The following GRIA4 variants were observed in gnomAD, a reference collection of about 807,000 sequenced individuals.
GRIA4 encodes glutamate ionotropic receptor AMPA type subunit 4, also known as glutamate receptor 4.
A neutral mutation model predicts 104.0 loss-of-function variants in GRIA4; 34 were observed. That is an observed-to-expected ratio of 0.33 (90% CI 0.25 to 0.44). The LOEUF (loss-of-function observed/expected upper bound fraction) is 0.44, where lower values mean the gene tolerates loss of function less well. Among genes scored for constraint, GRIA4 ranks in the 20% least tolerant of loss-of-function variants. GRIA4 has a pLI of 1.00. For missense variants in GRIA4, 750 were observed against 1,096.5 expected, an observed-to-expected ratio of 0.68 and a Z score of 4.46; for synonymous variants, 386 against 381.9, an observed-to-expected ratio of 1.01 and a Z score of -0.13.
chr11:105,722,190 T>A (rs1021783253), intron 3 of GRIA4, among the ~76,000 whole-genome samples: 3 of 152,188 alleles, frequency 2.0e-5, no homozygotes, highest in Non-Finnish European at 4.4e-5. Context: ...ATACAGACAG[T>A]CCCTGACTTT....
chr11:105,881,686 GAAGAA>G (rs749343801), intron 5 of GRIA4, among the ~76,000 whole-genome samples: 2 of 151,696 alleles, frequency 1.3e-5, no homozygotes, highest in Non-Finnish European at 2.9e-5. Flanking sequence ...TCCAAGTATA[GAAGAA>G]AATAAACACA....
chr11:105,828,555 G>T (rs1292932323), intron 4 of GRIA4, among the ~76,000 whole-genome samples: 1 of 151,772 alleles, frequency 6.6e-6, no homozygotes, highest in Non-Finnish European at 1.5e-5. Flanking sequence ...TGGAAAGTTT[G>T]CACTTAGTCA....
intron 3 of GRIA4, among the ~76,000 whole-genome samples, chr11:105,616,162 A>C (rs1950594496): frequency 6.6e-6 from 1 of 151,722 alleles, no homozygotes; most frequent in South Asian, 2.1e-4. Flanking sequence ...AGAAAGGACT[A>C]ATTGATTAAT....
intron 3 of GRIA4, among the ~76,000 whole-genome samples, chr11:105,640,823 AG>A (rs1951338469): frequency 6.6e-6 from 1 of 152,006 alleles, no homozygotes; most frequent in Non-Finnish European, 1.5e-5. Flanking sequence ...AACTAGTCAT[AG>A]CTAATTATTT....
At chr11:105,618,285 A>G (rs1950651255) in intron 3 of GRIA4, among the ~76,000 whole-genome samples, 1 of 152,056 alleles carries the variant, frequency 6.6e-6, no homozygotes, top group Non-Finnish European at 1.5e-5. Context: ...TATGTTTTAT[A>G]AAGAACAGGC....
At chr11:105,976,401 A>G (rs1348178576) in intron 16 of GRIA4, among the ~76,000 whole-genome samples, 1 of 152,070 alleles carries the variant, frequency 6.6e-6, no homozygotes, top group Non-Finnish European at 1.5e-5. Flanking sequence ...TACATATAAC[A>G]TTGTTTTTGG....
chr11:105,665,752 C>T (rs185895108), intron 3 of GRIA4, among the ~76,000 whole-genome samples: 1 of 152,060 alleles, frequency 6.6e-6, no homozygotes, highest in East Asian at 1.9e-4. Flanking sequence ...GCCAAAATGA[C>T]CCCAGGAGCA....
intron 14 of GRIA4, among the ~76,000 whole-genome samples, chr11:105,965,472 GTAA>G (rs1489844366): frequency 2.0e-5 from 3 of 151,708 alleles, no homozygotes; most frequent in East Asian, 1.9e-4. Context: ...AATAAAGGGA[GTAA>G]TAATTACTCT....
intron 4 of GRIA4, among the ~76,000 whole-genome samples, chr11:105,826,708 C>T (rs193007893): frequency 3.9e-5 from 6 of 152,132 alleles, no homozygotes; most frequent in Admixed American, 2.0e-4. Flanking sequence ...CGAGGGTTTG[C>T]GATTCTGGAA....
At position 105,920,314 on chromosome 11, in the gene GRIA4, C is replaced by T. The variant is rs566697171; in HGVS notation, c.1476+1396C>T. 2.6e-5 allele frequency among the ~76,000 whole-genome samples: 4 copies of T among 152,222 alleles called. 1 individual carries two copies. The highest frequency in any genetic ancestry group is 9.6e-5 in the African/African-American group (4 of 41,544). ...TTCCAAAGGAAAAGGGTTTCTAAAG[C>T]ATTTGTTCTTTGGTTAATATTTTAA... On this transcript the variant is annotated intron_variant, in intron 11 of 16. Transcript: ENST00000282499.
chr11:105,767,477 A>G (rs1184911478), intron 4 of GRIA4, among the ~76,000 whole-genome samples: 6 of 152,206 alleles, frequency 3.9e-5, no homozygotes, highest in Non-Finnish European at 8.8e-5. Flanking sequence ...GGCTTAGCCC[A>G]GTATGTTTTG....
intron 3 of GRIA4, among the ~76,000 whole-genome samples, chr11:105,734,047 A>G (rs1160690410): frequency 6.8e-6 from 1 of 147,014 alleles, no homozygotes; most frequent in South Asian, 2.1e-4. Context: ...TATTATATAT[A>G]ATATATGTAT....
At chr11:105,841,733 T>C (rs1944402013) in intron 4 of GRIA4, among the ~76,000 whole-genome samples, 1 of 152,166 alleles carries the variant, frequency 6.6e-6, no homozygotes, top group Non-Finnish European at 1.5e-5. Context: ...TTGTTGCTGT[T>C]GATCCAAAGA....
At chr11:105,964,090 T>C (rs1244089877) in intron 14 of GRIA4, among the ~76,000 whole-genome samples, 1 of 152,098 alleles carries the variant, frequency 6.6e-6, no homozygotes, top group Non-Finnish European at 1.5e-5. Context: ...AAACAATTCC[T>C]TTTTTCCCAG....
intron 6 of GRIA4, among the ~76,000 whole-genome samples, chr11:105,893,109 A>G (rs1341733001): frequency 6.6e-6 from 1 of 152,176 alleles, no homozygotes; most frequent in Non-Finnish European, 1.5e-5. Context: ...GAGAGTGGTA[A>G]TTAACCATTG....
intron 6 of GRIA4, among the ~76,000 whole-genome samples, chr11:105,892,598 T>C (rs1287022525): frequency 6.6e-6 from 1 of 152,128 alleles, no homozygotes; most frequent in East Asian, 1.9e-4. Context: ...GTAGACATGC[T>C]TCCCAAAATT....
chr11:105,664,307 G>T (rs897759535), intron 3 of GRIA4, among the ~76,000 whole-genome samples: 4 of 150,392 alleles, frequency 2.7e-5, no homozygotes, highest in Admixed American at 6.7e-5. Flanking sequence ...AGGATCAAAT[G>T]AACTTGCCGA....
chr11:105,808,241 C>T (rs1259939084), intron 4 of GRIA4, among the ~76,000 whole-genome samples: 1 of 151,828 alleles, frequency 6.6e-6, no homozygotes, highest in Non-Finnish European at 1.5e-5. Context: ...AAACACACCC[C>T]TAGAGTCCTG....
At chr11:105,895,092 C>T (rs1045290697) in intron 6 of GRIA4, among the ~76,000 whole-genome samples, 1 of 102,962 alleles carries the variant, frequency 9.7e-6, no homozygotes, top group African/African-American at 3.5e-5. Flanking sequence ...AGCCACCGCG[C>T]CCGGCCTATT....
Sources: gnomAD v4.1 joint callset for allele counts (sites outside exome capture counted in the v4.1 genomes callset) on GRCh38, gnomAD v4.1.1 for gene constraint, MANE v1.5 for transcripts, NCBI Gene and HGNC (gene_info 2026-07-23, HGNC 2026-07-21) for gene names.